Variants in KIF26B observed in about 807,000 individuals in gnomAD.
KIF26B encodes kinesin-like protein KIF26B.
Under a neutral mutation model 151.2 loss-of-function variants are expected in KIF26B, and 63 were observed. The ratio of observed to expected loss-of-function variants is 0.42; its 90% CI spans 0.34 to 0.51. KIF26B has a LOEUF of 0.51. KIF26B is among the 20% of genes least tolerant of loss of function. The pLI is 0.07. For missense variants in KIF26B, 2,813 were observed against 2,913.6 expected (o/e 0.97, Z 0.79); for synonymous variants, 1,357 against 1,262.1 (o/e 1.08, Z -1.59).
chr1:245,355,629 GA>G (rs1395719236), intron 2 of KIF26B, among the ~76,000 whole-genome samples: 13 of 151,006 alleles, frequency 8.6e-5, no homozygotes, highest in African/African-American at 3.2e-4. Context: ...GAAGAAGAAA[GA>G]ATTTAAAAAA....
intron 9 of KIF26B, among the ~76,000 whole-genome samples, chr1:245,633,031 C>T (rs1470262653): frequency 6.6e-6 from 1 of 152,124 alleles, no homozygotes; most frequent in Non-Finnish European, 1.5e-5. Context: ...GTGTTGACTG[C>T]ATATATATTT....
At chr1:245,595,140 T>A (rs1048591089) in intron 5 of KIF26B, among the ~76,000 whole-genome samples, 2 of 152,230 alleles carry the variant, frequency 1.3e-5, no homozygotes, top group Admixed American at 1.3e-4. Context: ...TCTTCCTATT[T>A]GGATACCCTT....
intron 10 of KIF26B, among the ~76,000 whole-genome samples, chr1:245,669,249 G>C (rs1043375745): frequency 1.3e-5 from 2 of 152,144 alleles, no homozygotes; most frequent in African/African-American, 4.8e-5. Context: ...TCATCGTTAG[G>C]CTCTCTTCAC....
At chr1:245,450,159 A>G (rs1341051776) in intron 4 of KIF26B, among the ~76,000 whole-genome samples, 3 of 152,074 alleles carry the variant, frequency 2.0e-5, no homozygotes, top group African/African-American at 4.8e-5. Flanking sequence ...GCAGCAACCA[A>G]CTGTTGCCTG....
At chr1:245,362,013 G>A (rs1273288861) in intron 2 of KIF26B, among the ~76,000 whole-genome samples, 2 of 151,496 alleles carry the variant, frequency 1.3e-5, no homozygotes, top group East Asian at 3.9e-4. Context: ...TACCTTGTGT[G>A]TGGTTCTGGG....
At chr1:245,178,851 G>A (rs1271433239) in intron 2 of KIF26B, among the ~76,000 whole-genome samples, 1 of 152,192 alleles carries the variant, frequency 6.6e-6, no homozygotes, top group African/African-American at 2.4e-5. Context: ...AAGTGGGGCC[G>A]GCTCTACAGC....
chr1:245,188,281 C>CAA (rs10661723), intron 2 of KIF26B, among the ~76,000 whole-genome samples: 52,654 of 79,940 alleles, frequency 0.66, 17,669 homozygotes, highest in East Asian at 0.79. Context: ...ACTCCATCTC[C>CAA]AAAAAAAAAA....
intron 5 of KIF26B, among the ~76,000 whole-genome samples, chr1:245,577,399 G>A (rs1369535998): frequency 2.0e-5 from 3 of 152,202 alleles, no homozygotes; most frequent in African/African-American, 7.2e-5. Flanking sequence ...TTCCAGGTTG[G>A]GCAACAGAAT....
At chr1:245,236,202 A>G (rs1670107307) in intron 2 of KIF26B, among the ~76,000 whole-genome samples, 2 of 152,184 alleles carry the variant, frequency 1.3e-5, no homozygotes, top group South Asian at 4.1e-4. Flanking sequence ...TGTTGGGATT[A>G]CAGGCGTGAG....
intron 9 of KIF26B, among the ~76,000 whole-genome samples, chr1:245,639,519 T>C (rs2043866351): frequency 6.6e-6 from 1 of 151,946 alleles, no homozygotes; most frequent in African/African-American, 2.4e-5. Context: ...TTAGGTTTGG[T>C]TTGTTTTTCC....
intron 2 of KIF26B, among the ~76,000 whole-genome samples, chr1:245,226,810 T>C (rs765423864): frequency 2.6e-5 from 4 of 152,168 alleles, no homozygotes; most frequent in Non-Finnish European, 4.4e-5. Context: ...GATGGCAGAA[T>C]CATGTGCTGC....
intron 2 of KIF26B, among the ~76,000 whole-genome samples, chr1:245,185,349 G>C (rs1315153991): frequency 6.6e-6 from 1 of 152,124 alleles, no homozygotes; most frequent in African/African-American, 2.4e-5. Context: ...ATGTTGGCCA[G>C]GCTGGTCTCG....
chr1:245,361,513 C>T (rs1206892864), intron 2 of KIF26B, among the ~76,000 whole-genome samples: 1 of 152,222 alleles, frequency 6.6e-6, no homozygotes, highest in Non-Finnish European at 1.5e-5. Context: ...TGATCACCAT[C>T]ACTGGGTGAA....
chr1:245,308,947 G>A lies in KIF26B; in HGVS notation c.466-57887G>A, dbSNP rs373726898. Among the ~76,000 whole-genome samples the A allele has an allele frequency of 1.8e-4, 28 of 152,334 alleles. 1 individual carries two copies. In the East Asian group the frequency reaches 2.1e-3, roughly 12 times the overall value. Reference sequence around the variant, plus strand: ...GCTTCTCAACAGACAGTGGGTAAAGGAGTCAGTGACAGAATCTAGGGCTTT... The same window carrying A: ...GCTTCTCAACAGACAGTGGGTAAAGAAGTCAGTGACAGAATCTAGGGCTTT... On this transcript the variant is annotated intron_variant, in intron 2 of 14. Transcript: ENST00000407071.
intron 3 of KIF26B, among the ~76,000 whole-genome samples, chr1:245,376,669 T>C (rs1243369532): frequency 2.0e-5 from 3 of 152,134 alleles, no homozygotes; most frequent in Non-Finnish European, 2.9e-5. Flanking sequence ...CTACTAACTA[T>C]GTGGCTTTAT....
At chr1:245,307,738 CTCTCT>C (rs1195683753) in intron 2 of KIF26B, among the ~76,000 whole-genome samples, 5 of 134,130 alleles carry the variant, frequency 3.7e-5, no homozygotes, top group African/African-American at 1.4e-4. Context: ...GAATCTCTCT[CTCTCT>C]TTTTTTTTTT....
chr1:245,702,570 G>A lies in KIF26B; in HGVS notation c.6291G>A (p.Met2097Ile). 1 of 1,613,950 alleles carries A rather than the reference G, an allele frequency of 6.2e-7. No individual in the cohort carries two copies. The highest frequency in any genetic ancestry group is 8.5e-7 in the Non-Finnish European group (1 of 1,179,884). Residue 2097 changes from methionine to isoleucine, a missense_variant, in exon 15 of 15, where the codon ATG becomes ATA. Met to Ile is a conservative substitution (Grantham distance 10). Transcript: ENST00000407071. The surrounding 1 kb of genome is among the most constrained non-coding windows in gnomAD (Gnocchi z 4.1). ...RVNFCKAHLMMITCFDITSRR... is the reference protein window; with the variant it reads ...RVNFCKAHLMIITCFDITSRR... Reference sequence around the variant, plus strand: ...ACTTCTGCAAGGCCCATCTCATGATGATCACCTGCTTCGACATCACCTCCA... The same window carrying A: ...ACTTCTGCAAGGCCCATCTCATGATAATCACCTGCTTCGACATCACCTCCA...
chr1:245,616,304 G>C (rs1417765569), intron 9 of KIF26B, among the ~76,000 whole-genome samples: 1 of 152,196 alleles, frequency 6.6e-6, no homozygotes, highest in African/African-American at 2.4e-5. Flanking sequence ...CCTCATGGAG[G>C]CCTTCCTCTG....
intron 9 of KIF26B, among the ~76,000 whole-genome samples, chr1:245,627,568 A>G (rs1285813048): frequency 6.6e-6 from 1 of 152,164 alleles, no homozygotes; most frequent in Non-Finnish European, 1.5e-5. Context: ...CATCACAATT[A>G]AAAGAACTAG....
Sources: allele counts gnomAD v4.1 joint callset (sites outside exome capture counted in the v4.1 genomes callset), GRCh38; gene constraint gnomAD v4.1.1; non-coding constraint Gnocchi (gnomAD v3.1); transcripts MANE v1.5; gene names NCBI Gene and HGNC (gene_info 2026-07-23, HGNC 2026-07-21).